The following ZNF567 variants were observed in gnomAD, a reference collection of about 807,000 sequenced individuals.
ZNF567 encodes zinc finger protein 567.
Under a neutral mutation model 53.9 loss-of-function variants are expected in ZNF567, and 36 were observed. The observed-to-expected ratio is 0.67, with a 90% CI of 0.51 to 0.88. The LOEUF (loss-of-function observed/expected upper bound fraction) is 0.88, where lower values mean the gene tolerates loss of function less well. Among genes scored for constraint, ZNF567 ranks in the 40% least tolerant of loss-of-function variants. ZNF567 has a pLI of 0.00. For synonymous variants in ZNF567, 224 were observed against 260.4 expected, an observed-to-expected ratio of 0.86 and a Z score of 1.35; for missense variants, 619 against 764.7, an observed-to-expected ratio of 0.81 and a Z score of 2.25.
chr19:36,705,959 G>A (rs574600049), intron 3 of ZNF567, among the ~76,000 whole-genome samples: 7 of 152,104 alleles, frequency 4.6e-5, no homozygotes, highest in Admixed American at 2.0e-4. Context: ...TGATTGTATG[G>A]TATCTTTGTT....
At chr19:36,672,994 T>C in the ZNF567 span, among the ~76,000 whole-genome samples, 1 of 152,256 alleles carries the variant, frequency 6.6e-6, no homozygotes, top group Non-Finnish European at 1.5e-5. Context: ...ATAATGAATG[T>C]GTATACAACA....
At chr19:36,724,296 G>A (rs563130073), downstream of ZNF567, among the ~76,000 whole-genome samples, 433 of 150,686 alleles carry the variant, frequency 2.9e-3, no homozygotes, top group African/African-American at 9.1e-3. Context: ...GTGAGCCACC[G>A]CACCCTGCTT....
Position 36,689,463 on chromosome 19 carries a change from A to G in ZNF567, c.-101A>G, listed in dbSNP as rs1286264619. The stretch of plus-strand genomic sequence containing the variant: ...GAGAAGACAGAAGTCAGAGACAAGA[A>G]GAGGCTAACATGACTGATACCACTA... On this transcript the variant is annotated 5_prime_UTR_variant, in exon 2 of 6. Transcript: ENST00000682579. 1 of 152,154 alleles carries G rather than the reference A, an allele frequency of 6.6e-6. No homozygotes were observed. Among genetic ancestry groups the G allele is most frequent in the African/African-American group, 2.4e-5 (1 of 41,436 alleles). The allele number at this position is 152,154 out of a possible 1,614,324, so 9.4% of individuals were successfully genotyped here. A position where few individuals can be genotyped will look rare whatever the true frequency, so the allele number is the denominator to read the frequency against.
chr19:36,715,574 G>A (rs890355317), intron 5 of ZNF567, among the ~76,000 whole-genome samples: 1 of 148,012 alleles, frequency 6.8e-6, no homozygotes, highest in African/African-American at 2.5e-5. Flanking sequence ...TTGTTGCCCA[G>A]GCTGGAGTGC....
chr19:36,700,559 C>CT (rs1047928735), intron 3 of ZNF567, among the ~76,000 whole-genome samples: 9 of 150,796 alleles, frequency 6.0e-5, no homozygotes, highest in Non-Finnish European at 1.3e-4. Flanking sequence ...GTCCTGGACT[C>CT]TTTTTGGTTG....
At chr19:36,677,109 C>T in the ZNF567 span, among the ~76,000 whole-genome samples, 1 of 135,936 alleles carries the variant, frequency 7.4e-6, no homozygotes, top group Non-Finnish European at 1.5e-5. Flanking sequence ...GAGCCAAGAC[C>T]ATGCCATTGC....
At chr19:36,704,258 C>G (rs1568696702) in intron 3 of ZNF567, among the ~76,000 whole-genome samples, 1 of 151,824 alleles carries the variant, frequency 6.6e-6, no homozygotes, top group Non-Finnish European at 1.5e-5. Flanking sequence ...GGGCAACATA[C>G]AAAAATACAA....
At chr19:36,690,176 G>GT (rs2038524294) in intron 2 of ZNF567, among the ~76,000 whole-genome samples, 2 of 152,122 alleles carry the variant, frequency 1.3e-5, no homozygotes, top group African/African-American at 2.4e-5. Context: ...AATAAATAGG[G>GT]GGTGTGTGTG....
downstream of ZNF567, among the ~76,000 whole-genome samples, chr19:36,724,150 G>C (rs1030790711): frequency 6.6e-6 from 1 of 151,002 alleles, no homozygotes; most frequent in Non-Finnish European, 1.5e-5. Context: ...GGGATTACAG[G>C]CATGTTCCCC....
rs1013053697 is a variant in ZNF567 at position 36,721,161 on chromosome 19, G to C, written c.*493G>C. On this transcript the variant is annotated 3_prime_UTR_variant, in exon 6 of 6. Transcript: ENST00000682579. Reference sequence around the variant, plus strand: ...GACATCATGAATTATTTTGTGTCTTGCTTATTTCACTCAATTTTTTAAGAT... The same window carrying C: ...GACATCATGAATTATTTTGTGTCTTCCTTATTTCACTCAATTTTTTAAGAT... The C allele has an allele frequency of 6.6e-5, 10 of 152,064 alleles. No homozygotes were observed. Among genetic ancestry groups the C allele is most frequent in the African/African-American group, 2.2e-4 (9 of 41,408 alleles). The allele number at this position is 152,064 out of a possible 1,614,324, so 9.4% of individuals were successfully genotyped here. A position where few individuals can be genotyped will look rare whatever the true frequency, so the allele number is the denominator to read the frequency against.
At chr19:36,682,283 CAA>C in the ZNF567 span, among the ~76,000 whole-genome samples, 372 of 96,550 alleles carry the variant, frequency 3.9e-3, no homozygotes, top group Middle Eastern at 9.9e-3. Flanking sequence ...GACCCTGTCT[CAA>C]AAAAAAAAAA....
the ZNF567 span, among the ~76,000 whole-genome samples, chr19:36,677,697 G>A: frequency 2.6e-3 from 389 of 152,052 alleles, no homozygotes; most frequent in African/African-American, 8.9e-3. Context: ...AACCCAGGAG[G>A]TGGAGTTTGC....
the ZNF567 span, among the ~76,000 whole-genome samples, chr19:36,667,538 CATTT>C: frequency 1.3e-5 from 2 of 151,572 alleles, no homozygotes; most frequent in Admixed American, 1.3e-4. Flanking sequence ...TATTTGACTC[CATTT>C]ATTTATTTAT....
At position 36,695,230 on chromosome 19, in the gene ZNF567, TA is replaced by T. The variant is rs549687570; in HGVS notation, c.9+368del. 7.7e-3 allele frequency among the ~76,000 whole-genome samples: 1,049 copies of T among 136,938 alleles called. 9 individuals carry two copies. The highest frequency in any genetic ancestry group is 0.028 in the Admixed American group (379 of 13,680). The allele number at this position is 136,938 out of a possible 152,430, so 89.8% of individuals were successfully genotyped here. ...AGAGATCCTTGTCTCCACCAGAAAT[TA>T]AAAAAAAAAAAAATAGGCCAGGCGC... On this transcript the variant is annotated intron_variant, in intron 3 of 5. Coordinates refer to ENST00000682579, the MANE Select transcript of ZNF567 (RefSeq NM_001322917.1).
At chr19:36,688,255 A>G (rs1312058733) in intron 1 of ZNF567, among the ~76,000 whole-genome samples, 1 of 152,108 alleles carries the variant, frequency 6.6e-6, no homozygotes, top group Non-Finnish European at 1.5e-5. Context: ...TGATACAGCT[A>G]TGAATATGCC....
the ZNF567 span, among the ~76,000 whole-genome samples, chr19:36,676,812 GC>G: frequency 6.6e-6 from 1 of 152,118 alleles, no homozygotes; most frequent in East Asian, 1.9e-4. Context: ...GAGCCCAGGA[GC>G]TCGATACCAG....
intron 3 of ZNF567, among the ~76,000 whole-genome samples, chr19:36,706,366 T>C (rs934265128): frequency 3.3e-5 from 5 of 152,212 alleles, no homozygotes; most frequent in African/African-American, 1.2e-4. Context: ...CAATCATGGC[T>C]CACTTCAGCC....
intron 5 of ZNF567, among the ~76,000 whole-genome samples, chr19:36,717,687 T>C (rs1021492720): frequency 6.6e-6 from 1 of 152,198 alleles, no homozygotes; most frequent in African/African-American, 2.4e-5. Context: ...TCATCAGATA[T>C]AGATGATTGC....
downstream of ZNF567, chr19:36,727,036 G>A (rs1208661788): frequency 1.2e-4 from 3 of 24,356 alleles, no homozygotes; most frequent in East Asian, 1.9e-3. Flanking sequence ...GTGCTTTTTC[G>A]TTAGAGTAGA....
Sources: allele counts gnomAD v4.1 joint callset (sites outside exome capture counted in the v4.1 genomes callset), GRCh38; gene constraint gnomAD v4.1.1; transcripts MANE v1.5; gene names NCBI Gene and HGNC (gene_info 2026-07-23, HGNC 2026-07-21).